Variants in NALF2 observed in about 807,000 individuals in gnomAD.
NALF2 encodes NALCN channel auxiliary factor 2.
A neutral mutation model predicts 24.8 loss-of-function variants in NALF2; 1 was observed. The ratio of observed to expected loss-of-function variants is 0.04; its 90% CI spans 0.01 to 0.19. The LOEUF (loss-of-function observed/expected upper bound fraction) is 0.19. Ranked by LOEUF, NALF2 falls within the 10% of genes least tolerant of loss-of-function variation. The pLI is 1.00. For synonymous variants in NALF2, 254 were observed against 189.8 expected, an observed-to-expected ratio of 1.34 and a Z score of -2.78; for missense variants, 458 against 409.6, an observed-to-expected ratio of 1.12 and a Z score of -1.02.
chrX:69,514,322 T>C (rs1280202091), intron 1 of NALF2, among the ~76,000 whole-genome samples: 7 of 112,076 alleles, frequency 6.2e-5, no homozygotes, highest in African/African-American at 2.3e-4. Flanking sequence ...TTTGTCCTTT[T>C]GTGTCCAGCT....
At chrX:69,529,272 A>T (rs1329685810) in intron 2 of NALF2, 108 bp downstream of exon 2, 9 of 908,482 alleles carry the variant, frequency 9.9e-6, no homozygotes, top group Non-Finnish European at 1.3e-5. Context: ...GGTGAGAAGA[A>T]GGCCAGTGGC....
At position 69,504,597 on chromosome X, in the gene NALF2, C is replaced by T. The variant is rs1930417825; in HGVS notation, c.-686C>T. 1.8e-5 allele frequency among the ~76,000 whole-genome samples: 2 copies of T among 112,925 alleles called. No homozygotes were observed. The highest frequency in any genetic ancestry group is 3.2e-5 in the African/African-American group (1 of 31,265). Reference sequence around the variant, plus strand: ...CGGGAGCCAGGTGGCCCGCCCGAGCCGGAACTCCAGGAGCAGCGGGTGCGG... The same window carrying T: ...CGGGAGCCAGGTGGCCCGCCCGAGCTGGAACTCCAGGAGCAGCGGGTGCGG... On this transcript the variant is annotated 5_prime_UTR_variant, in exon 1 of 3. Transcript: ENST00000252338.
chrX:69,516,367 A>G (rs1293541553), intron 1 of NALF2, among the ~76,000 whole-genome samples: 1 of 112,340 alleles, frequency 8.9e-6, no homozygotes, highest in Admixed American at 9.4e-5. Context: ...GTCTCCCTAC[A>G]GGTGGTGACT....
intron 1 of NALF2, among the ~76,000 whole-genome samples, chrX:69,508,030 G>A (rs1284594816): frequency 2.7e-5 from 3 of 110,918 alleles, no homozygotes; most frequent in Non-Finnish European, 5.7e-5. Context: ...AGTTCAGGAG[G>A]CCTTATCACC....
intron 1 of NALF2, among the ~76,000 whole-genome samples, chrX:69,525,147 A>G (rs1930788483): frequency 8.9e-6 from 1 of 111,830 alleles, no homozygotes; most frequent in African/African-American, 3.3e-5. Context: ...GCGCCCAGCC[A>G]CCATAGCCTG....
At chrX:69,524,730 C>T (rs1487721012) in intron 1 of NALF2, among the ~76,000 whole-genome samples, 1 of 111,611 alleles carries the variant, frequency 9.0e-6, no homozygotes, top group Non-Finnish European at 1.9e-5. Context: ...GAGTCTAAGG[C>T]AGGCTTGTTG....
At position 69,505,539 on chromosome X, in the gene NALF2, G is replaced by A. The variant is rs1447988963; in HGVS notation, c.257G>A (p.Arg86Gln). ...SAMRPPWGAG[R>Q]ERQPVPPRAV... Reference sequence around the variant, plus strand: ...ATGCGGCCCCCATGGGGGGCCGGCCGGGAGCGGCAGCCGGTGCCTCCTCGC... The same window carrying A: ...ATGCGGCCCCCATGGGGGGCCGGCCAGGAGCGGCAGCCGGTGCCTCCTCGC... The change falls in exon 1 of 3, where the codon CGG becomes CAG. Residue 86 changes from arginine (R) to glutamine (Q), a missense_variant. Physicochemically the swap from Arg to Gln is conservative, Grantham distance 43. Coordinates refer to ENST00000252338, the MANE Select transcript of NALF2 (RefSeq NM_015686.3). 2.5e-5 allele frequency: 24 copies of A among 956,892 alleles called. No homozygotes were observed. Among genetic ancestry groups the A allele is most frequent in the African/African-American group, 6.2e-5 (3 of 48,006 alleles). The allele number at this position is 956,892 out of a possible 1,213,427, so 78.9% of individuals were successfully genotyped here.
intron 1 of NALF2, among the ~76,000 whole-genome samples, chrX:69,513,364 C>A (rs920257167): frequency 8.9e-6 from 1 of 112,359 alleles, no homozygotes; most frequent in East Asian, 2.8e-4. Context: ...GCTTTGGATG[C>A]CCAGTTCCCA....
chrX:69,517,191 T>C (rs913476671), intron 1 of NALF2, among the ~76,000 whole-genome samples: 6 of 112,007 alleles, frequency 5.4e-5, no homozygotes, highest in African/African-American at 1.6e-4. Flanking sequence ...CTTGAACATA[T>C]TCTTTAATCT....
In NALF2 at chrX:69,529,725, A is replaced by G. The variant is rs757013731; in HGVS notation, c.1188A>G (p.Gln396=). ...FHHSYFHHYH[Q]QYHHYHPHHD... ...ACTCCTATTTCCACCACTACCACCA[A>G]CAGTACCATCACTACCACCCCCATC... Residue 396 remains glutamine, a synonymous_variant, in exon 3 of 3, where the codon CAA becomes CAG. Transcript: ENST00000252338. 5.8e-6 allele frequency: 7 copies of G among 1,206,605 alleles called. No homozygotes were observed. Among genetic ancestry groups the G allele is most frequent in the Non-Finnish European group, 6.7e-6 (6 of 893,130 alleles).
At chrX:69,529,196 G>A in intron 2 of NALF2, 32 bp downstream of exon 2, 1 of 1,183,137 alleles carries the variant, frequency 8.5e-7, no homozygotes, top group African/African-American at 1.7e-5. Flanking sequence ...AGAGGGAGGA[G>A]GCCGGGGGCC....
intron 1 of NALF2, among the ~76,000 whole-genome samples, chrX:69,524,799 C>T (rs755225046): frequency 1.8e-5 from 2 of 112,106 alleles, no homozygotes; most frequent in Non-Finnish European, 3.8e-5. Context: ...CCCCAGGCTA[C>T]CTCTGAGGCA....
In NALF2 at chrX:69,504,417, C is replaced by T. The variant is rs1930412169; in HGVS notation, c.-866C>T. ...ACAGGGGCTCTCAAGGTGTTCTCCG[C>T]ACAGCGGAAGATGGCGACAGACTGA... On this transcript the variant is annotated 5_prime_UTR_variant, in exon 1 of 3. Coordinates refer to ENST00000252338, the MANE Select transcript of NALF2 (RefSeq NM_015686.3). Among the ~76,000 whole-genome samples, 1 of 113,420 alleles carries T rather than the reference C, an allele frequency of 8.8e-6. No homozygotes were observed. Among genetic ancestry groups the T allele is most frequent in the Non-Finnish European group, 1.9e-5 (1 of 53,330 alleles).
chrX:69,518,825 T>C (rs985092417), intron 1 of NALF2, among the ~76,000 whole-genome samples: 1 of 112,439 alleles, frequency 8.9e-6, no homozygotes, highest in Non-Finnish European at 1.9e-5. Flanking sequence ...TCTTCTGATA[T>C]TTACCTCCAC....
At chrX:69,529,254 GGGAGTCAGGTGAGA>G in intron 2 of NALF2, 90 bp downstream of exon 2, 5 of 999,358 alleles carry the variant, frequency 5.0e-6, no homozygotes, top group Non-Finnish European at 6.7e-6. Flanking sequence ...ATAACAACAG[GGGAGTCAGGTGAGA>G]AGAAGGCCAG....
At position 69,505,366 on chromosome X, in the gene NALF2, G is replaced by C. The variant is rs1470482091; in HGVS notation, c.84G>C (p.Arg28Ser). ...GCTGCTGCTGCTGCTGGGCTCCCAGGCCGAGCGACAAACCTTGCGCCGACT... is the reference window on the plus strand; with the variant it reads ...GCTGCTGCTGCTGCTGGGCTCCCAGCCCGAGCGACAAACCTTGCGCCGACT... The part of the protein sequence containing the change: ...ICCCCCCWAP[R>S]PSDKPCADSE... Residue 28 changes from arginine (R) to serine (S), a missense_variant, in exon 1 of 3, where the codon AGG becomes AGC. Coordinates refer to ENST00000252338, the MANE Select transcript of NALF2 (RefSeq NM_015686.3). The C allele has an allele frequency of 8.6e-7, 1 of 1,158,928 alleles. No homozygotes were observed. Among genetic ancestry groups the C allele is most frequent in the African/African-American group, 1.8e-5 (1 of 55,767 alleles).
chrX:69,528,345 A>G (rs1278123187), intron 1 of NALF2, among the ~76,000 whole-genome samples: 1 of 111,985 alleles, frequency 8.9e-6, no homozygotes, highest in Non-Finnish European at 1.9e-5. Context: ...GCGGAAGCCA[A>G]TAGGGCAGAG....
chrX:69,529,664 C>G lies in NALF2; in HGVS notation c.1127C>G (p.Ser376Cys). Residue 376 changes from serine to cysteine, a missense_variant, in exon 3 of 3, where the codon TCT becomes TGT. Physicochemically the swap from Ser to Cys is moderately radical, Grantham distance 112. Transcript: ENST00000252338. The part of the protein sequence containing the change: ...CEAKKKKFKE[S>C]EAPKTHQQQF... ...GCGAAGAAGAAGAAGTTCAAGGAGT[C>G]TGAGGCCCCCAAAACCCACCAGCAG... 1 of 1,210,234 alleles carries G rather than the reference C, an allele frequency of 8.3e-7. No homozygotes were observed. Among genetic ancestry groups the G allele is most frequent in the Non-Finnish European group, 1.1e-6 (1 of 894,732 alleles).
chrX:69,530,068 G>C lies in NALF2; in HGVS notation c.*112G>C. The stretch of plus-strand genomic sequence containing the variant: ...GGTGTAGGATAAGGTGGGGGCGGGG[G>C]AAATGGGGGAATGACACATCCCCCC... On this transcript the variant is annotated 3_prime_UTR_variant, in exon 3 of 3. Coordinates refer to ENST00000252338, the MANE Select transcript of NALF2 (RefSeq NM_015686.3). 1.9e-6 allele frequency: 1 copy of C among 523,943 alleles called. No homozygotes were observed. Among genetic ancestry groups the C allele is most frequent in the Non-Finnish European group, 3.0e-6 (1 of 336,375 alleles). 43.2% of individuals were successfully genotyped at this position (523,943 alleles called of 1,213,427 possible). A position where few individuals can be genotyped will look rare whatever the true frequency, so the allele number is the denominator to read the frequency against.
Sources: gnomAD v4.1 joint callset for allele counts (sites outside exome capture counted in the v4.1 genomes callset) on GRCh38, gnomAD v4.1.1 for gene constraint, MANE v1.5 for transcripts, NCBI Gene and HGNC (gene_info 2026-07-23, HGNC 2026-07-21) for gene names.